LRRC36: variants seen among roughly 807,000 people sequenced by gnomAD.
The protein encoded by LRRC36 is leucine rich repeat containing 36.
Under a neutral mutation model 81.1 loss-of-function variants are expected in LRRC36, and 62 were observed. That is an observed-to-expected ratio of 0.76 (90% CI 0.62 to 0.94). LRRC36 has a LOEUF of 0.94. Among genes scored for constraint, LRRC36 ranks in the 40% least tolerant of loss-of-function variants. The pLI is 0.00. For missense variants in LRRC36, 761 were observed against 881.7 expected, an observed-to-expected ratio of 0.86 and a Z score of 1.73; for synonymous variants, 334 against 348.6, an observed-to-expected ratio of 0.96 and a Z score of 0.47.
At chr16:67,361,909 C>T (rs1003036976) in intron 5 of LRRC36, among the ~76,000 whole-genome samples, 2 of 151,956 alleles carry the variant, frequency 1.3e-5, no homozygotes, top group Non-Finnish European at 2.9e-5. Flanking sequence ...ATTTCCTTTA[C>T]TTTTAAAAAA....
chr16:67,380,934 C>A lies in LRRC36; in HGVS notation c.1931-1199C>A, dbSNP rs1010128320. Among the ~76,000 whole-genome samples, 6 of 152,086 alleles carry A rather than the reference C, an allele frequency of 3.9e-5. No homozygotes were observed. In the East Asian group the frequency reaches 9.6e-4, roughly 24 times the overall value. On this transcript the variant is annotated intron_variant, in intron 12 of 13. Coordinates refer to ENST00000329956, the MANE Select transcript of LRRC36 (RefSeq NM_018296.6). ...CCCCAGGTGATTTGTAAGCATATTA[C>A]AGTTTAAGGCTGGGCACAGTGGCTC...
chr16:67,329,001 C>A (rs762033652), intron 1 of LRRC36, among the ~76,000 whole-genome samples: 1 of 152,150 alleles, frequency 6.6e-6, no homozygotes, highest in African/African-American at 2.4e-5. Context: ...TCTCCACCTC[C>A]GCATTTCAAG....
chr16:67,379,570 A>C (rs998917084), intron 12 of LRRC36, among the ~76,000 whole-genome samples: 3 of 152,088 alleles, frequency 2.0e-5, no homozygotes, highest in Non-Finnish European at 4.4e-5. Context: ...TACAAAAATT[A>C]GCTGCGCGTG....
At chr16:67,353,117 T>C (rs1170114228) in intron 5 of LRRC36, among the ~76,000 whole-genome samples, 1 of 152,172 alleles carries the variant, frequency 6.6e-6, no homozygotes, top group South Asian at 2.1e-4. Flanking sequence ...TAATATACAC[T>C]TGGAATCACC....
intron 1 of LRRC36, 190 bp downstream of exon 1, chr16:67,327,122 T>G: frequency 2.0e-6 from 1 of 504,106 alleles, no homozygotes; most frequent in South Asian, 3.5e-5. Flanking sequence ...GGAACTGAAG[T>G]AACGGGAGGG....
chr16:67,377,962 T>A (rs1389231008), intron 11 of LRRC36, among the ~76,000 whole-genome samples: 2 of 152,170 alleles, frequency 1.3e-5, no homozygotes. Flanking sequence ...ATTAGAGGAT[T>A]TTCAGACACC....
At chr16:67,366,869 T>C in intron 7 of LRRC36, 148 bp from the exon 8 acceptor site, 1 of 630,144 alleles carries the variant, frequency 1.6e-6, no homozygotes, top group Non-Finnish European at 2.7e-6. Context: ...TTCATCACTT[T>C]ATGCTACCAT....
Position 67,326,838 on chromosome 16 carries a change from G to A in LRRC36, c.-25G>A. ...GCGTGCGCCGGGTGGTCTCGCGGGCGGTGGCAGGTGAGCGGCGGGCGGGGA... is the reference window on the plus strand; with the variant it reads ...GCGTGCGCCGGGTGGTCTCGCGGGCAGTGGCAGGTGAGCGGCGGGCGGGGA... On this transcript the variant is annotated 5_prime_UTR_variant, in exon 1 of 14. Transcript: ENST00000329956. 6 of 1,419,660 alleles carry A rather than the reference G, an allele frequency of 4.2e-6. No individual in the cohort carries two copies. The highest frequency in any genetic ancestry group is 5.5e-6 in the Non-Finnish European group (6 of 1,095,612). The allele number at this position is 1,419,660 out of a possible 1,614,324, so 87.9% of individuals were successfully genotyped here.
chr16:67,328,080 C>G (rs1269934285), intron 1 of LRRC36, among the ~76,000 whole-genome samples: 1 of 151,852 alleles, frequency 6.6e-6, no homozygotes, highest in African/African-American at 2.4e-5. Flanking sequence ...GATGTGCAGT[C>G]AAGAACAGAA....
chr16:67,376,794 T>A lies in LRRC36; in HGVS notation c.1728T>A (p.His576Gln). 5 of 1,613,896 alleles carry A rather than the reference T, an allele frequency of 3.1e-6. No homozygotes were observed. The highest frequency in any genetic ancestry group is 4.2e-6 in the Non-Finnish European group (5 of 1,179,916). The change falls in exon 11 of 14, where the codon CAT becomes CAA. Residue 576 changes from histidine (H) to glutamine (Q), a missense_variant. By Grantham distance (24) the His-to-Gln change is conservative (BLOSUM62 0). This residue lies in a region of LRRC36 where 359 missense variants were observed against 388.4 expected (regional missense o/e 0.92). Transcript: ENST00000329956. ...PAPSQPRCCS[H>Q]PEDTMKAFCR... Reference sequence around the variant, plus strand: ...CTTCTCAGCCGAGGTGTTGCTCACATCCTGAAGACACGATGAAAGCATTCT... The same window carrying A: ...CTTCTCAGCCGAGGTGTTGCTCACAACCTGAAGACACGATGAAAGCATTCT...
In LRRC36 at chr16:67,382,159, C is replaced by G. The variant is rs761242047; in HGVS notation, c.1957C>G (p.Leu653Val). Reference sequence around the variant, plus strand: ...TGATCTTCTGCACAAAAACCAACAGCTGACCATGCAGGTGGCTTGCCTGAA... The same window carrying G: ...TGATCTTCTGCACAAAAACCAACAGGTGACCATGCAGGTGGCTTGCCTGAA... ...YDDLLHKNQQ[L>V]TMQVACLNQE... is the part of the protein sequence containing the mutation. The change falls in exon 13 of 14, where the codon CTG becomes GTG. Residue 653 changes from leucine (L) to valine (V), a missense_variant. Leu to Val is a conservative substitution (Grantham distance 32, BLOSUM62 1). This residue lies in a region of LRRC36 where 359 missense variants were observed against 388.4 expected (regional missense o/e 0.92). Transcript: ENST00000329956. 2 of 1,613,920 alleles carry G rather than the reference C, an allele frequency of 1.2e-6. No homozygotes were observed. The highest frequency in any genetic ancestry group is 2.7e-5 in the African/African-American group (2 of 74,912).
intron 13 of LRRC36, among the ~76,000 whole-genome samples, chr16:67,384,347 T>G (rs748178420): frequency 2.0e-5 from 3 of 152,118 alleles, no homozygotes; most frequent in Non-Finnish European, 4.4e-5. Context: ...GGCAGGAGAA[T>G]TGCTTGAATC....
intron 5 of LRRC36, 51 bp from the exon 6 acceptor site, chr16:67,363,539 T>C: frequency 2.5e-6 from 4 of 1,601,846 alleles, no homozygotes; most frequent in Non-Finnish European, 3.4e-6. Context: ...CATGCTGCCT[T>C]TGAAGTCTGG....
At chr16:67,329,654 A>G (rs2142552027) in intron 1 of LRRC36, among the ~76,000 whole-genome samples, 1 of 152,266 alleles carries the variant, frequency 6.6e-6, no homozygotes, top group African/African-American at 2.4e-5. Flanking sequence ...GCGTTGGCTC[A>G]TGCCTGTAAT....
In LRRC36 at chr16:67,376,776, GC is replaced by G. The variant is rs759739355; in HGVS notation, c.1712del (p.Pro571ArgfsTer11). On this transcript the variant is annotated frameshift_variant, in exon 11 of 14. Transcript: ENST00000329956. LOFTEE classifies it high-confidence loss of function. ...CTTTGGTAGTCCCGGCTCCTTCTCAGCCGAGGTGTTGCTCACATCCTGAAGA... is the reference window on the plus strand; with the variant it reads ...CTTTGGTAGTCCCGGCTCCTTCTCAGCGAGGTGTTGCTCACATCCTGAAGA... ...LSLVVPAPSQPRCCSHPEDTM... is the reference protein window; with the variant it reads ...LSLVVPAPSQXRCCSHPEDTM... 85 of 1,613,782 alleles carry G rather than the reference GC, an allele frequency of 5.3e-5. No individual in the cohort carries two copies. Among genetic ancestry groups the G allele is most frequent in the Non-Finnish European group, 6.8e-5 (80 of 1,179,818 alleles).
intron 1 of LRRC36, among the ~76,000 whole-genome samples, chr16:67,327,300 C>T (rs1597406956): frequency 6.6e-6 from 1 of 151,960 alleles, no homozygotes; most frequent in Middle Eastern, 3.4e-3. Flanking sequence ...ATCACCTGAG[C>T]GTGGCCAACA....
In LRRC36 at chr16:67,341,049, TACTCTAC is replaced by T. The variant is rs1364306755; in HGVS notation, c.71-906_71-900del. Among the ~76,000 whole-genome samples, 188 of 122,080 alleles carry T rather than the reference TACTCTAC, an allele frequency of 1.5e-3. 44 individuals carry two copies. Among genetic ancestry groups the T allele is most frequent in the African/African-American group, 5.9e-3 (177 of 29,772 alleles). The allele number at this position is 122,080 out of a possible 152,430, so 80.1% of individuals were successfully genotyped here. On this transcript the variant is annotated intron_variant, in intron 1 of 13. Coordinates refer to ENST00000329956, the MANE Select transcript of LRRC36 (RefSeq NM_018296.6). ...TACTCTACATATTCTATAGAATATG[TACTCTAC>T]ATATTCTATAGAATATGTACTCTAC...
Position 67,351,823 on chromosome 16 carries a change from T to G in LRRC36, c.577+1533T>G, listed in dbSNP as rs144361390. 3.1e-3 allele frequency among the ~76,000 whole-genome samples: 465 copies of G among 152,356 alleles called. 2 individuals carry two copies. Among genetic ancestry groups the G allele is most frequent in the African/African-American group, 0.011 (445 of 41,584 alleles). ...TTACTTTATTTCATTTTAAATAGCA[T>G]TTTTAATATTTTTAAATTGATACAA... On this transcript the variant is annotated intron_variant, in intron 5 of 13. Transcript: ENST00000329956.
chr16:67,382,351 C>T (rs2040144008), intron 13 of LRRC36, 104 bp downstream of exon 13: 1 of 754,686 alleles, frequency 1.3e-6, no homozygotes. Flanking sequence ...TGCAAGTGAA[C>T]TCCATTCTGT....
Sources: gnomAD v4.1 joint callset for allele counts (sites outside exome capture counted in the v4.1 genomes callset) on GRCh38, gnomAD v4.1.1 for gene constraint, gnomAD v4.1.1 regional missense constraint, MANE v1.5 for transcripts, NCBI Gene and HGNC (gene_info 2026-07-23, HGNC 2026-07-21) for gene names.